The following ASRGL1 variants were observed in gnomAD, a reference collection of about 807,000 sequenced individuals.
The protein encoded by ASRGL1 is isoaspartyl peptidase/L-asparaginase.
ASRGL1 carries 16 observed loss-of-function variants against 22.4 expected under a neutral mutation model. The observed-to-expected ratio is 0.71, with a 90% CI of 0.48 to 1.08. The LOEUF is 1.08. ASRGL1 is among the 50% of genes least tolerant of loss of function. The probability of loss-of-function intolerance (pLI) is 0.00; values close to 1 mark genes in which losing one functional copy is unlikely to be tolerated. For synonymous variants in ASRGL1, 165 were observed against 159.3 expected (o/e 1.04, Z -0.27); for missense variants, 412 against 410.1 (o/e 1.00, Z -0.04).
intron 5 of ASRGL1, among the ~76,000 whole-genome samples, chr11:62,391,047 A>T (rs1947324511): frequency 1.3e-5 from 2 of 152,176 alleles, no homozygotes; most frequent in Admixed American, 6.5e-5. Flanking sequence ...AATTATGCCC[A>T]CCCTCAACAA....
intron 2 of ASRGL1, among the ~76,000 whole-genome samples, chr11:62,344,561 A>G (rs2134574936): frequency 6.7e-6 from 1 of 149,974 alleles, no homozygotes; most frequent in South Asian, 2.1e-4. Flanking sequence ...AAATTTTTGT[A>G]TACGATGCAA....
intron 2 of ASRGL1, among the ~76,000 whole-genome samples, chr11:62,338,940 A>AAAAAAG (rs1945798826): frequency 6.6e-6 from 1 of 151,570 alleles, no homozygotes; most frequent in African/African-American, 2.4e-5. Context: ...CTCAAAAAAA[A>AAAAAAG]AAAAAAAAAC....
intron 2 of ASRGL1, among the ~76,000 whole-genome samples, chr11:62,347,382 G>GTTC (rs1946052830): frequency 2.6e-5 from 4 of 152,150 alleles, no homozygotes; most frequent in Non-Finnish European, 4.4e-5. Flanking sequence ...CTCGGAGATA[G>GTTC]AGGGGTGAGA....
At chr11:62,362,715 T>C (rs1946502400) in intron 4 of ASRGL1, among the ~76,000 whole-genome samples, 1 of 49,616 alleles carries the variant, frequency 2.0e-5, no homozygotes, top group African/African-American at 9.2e-5. Context: ...TAAAATATAT[T>C]ATATGTTATA....
At chr11:62,382,777 C>G (rs950536498) in intron 4 of ASRGL1, 1 of 152,316 alleles carries the variant, frequency 6.6e-6, no homozygotes, top group African/African-American at 2.4e-5. Flanking sequence ...CCTGGCTTTC[C>G]TAGGCAGAGG....
chr11:62,371,298 GGACGGCCTGGAGCTC>G lies in ASRGL1; in HGVS notation c.491+14160_491+14174del, dbSNP rs1404571202. 8 of 1,382,032 alleles carry G rather than the reference GGACGGCCTGGAGCTC, an allele frequency of 5.8e-6. No homozygotes were observed. The African/African-American group carries it at 9.1e-5, about 16-fold the overall frequency. The allele number at this position is 1,382,032 out of a possible 1,614,324, so 85.6% of individuals were successfully genotyped here. A position where few individuals can be genotyped will look rare whatever the true frequency, so the allele number is the denominator to read the frequency against. On this transcript the variant is annotated intron_variant, in intron 4 of 6. Coordinates refer to ENST00000415229, the MANE Select transcript of ASRGL1 (RefSeq NM_001083926.2). ...GTGGCAGCAGCAGCAGCGGCGACGA[GGACGGCCTGGAGCTC>G]GACGGGGCCCCCGGCAGGGGCAAGC...
intron 4 of ASRGL1, among the ~76,000 whole-genome samples, chr11:62,384,007 T>A (rs1374935923): frequency 7.1e-6 from 1 of 140,746 alleles, no homozygotes; most frequent in Non-Finnish European, 1.6e-5. Context: ...CATCTGTGTG[T>A]GTGCATGTGT....
intron 4 of ASRGL1, among the ~76,000 whole-genome samples, chr11:62,385,234 G>A (rs1305960538): frequency 6.6e-6 from 1 of 152,164 alleles, no homozygotes; most frequent in Non-Finnish European, 1.5e-5. Context: ...TTGTTTATGG[G>A]TTTTTCCTTT....
At chr11:62,391,115 C>T (rs1947325815) in intron 5 of ASRGL1, among the ~76,000 whole-genome samples, 1 of 152,216 alleles carries the variant, frequency 6.6e-6, no homozygotes, top group Non-Finnish European at 1.5e-5. Flanking sequence ...GTATCATTTT[C>T]CCCAAATCAC....
intron 4 of ASRGL1, among the ~76,000 whole-genome samples, chr11:62,366,259 CAAA>C (rs1239284598): frequency 1.2e-5 from 1 of 86,786 alleles, no homozygotes. Context: ...AAGACTGTCT[CAAA>C]AAAAAAAAAA....
At chr11:62,372,357 A>G in intron 4 of ASRGL1, 1 of 1,567,934 alleles carries the variant, frequency 6.4e-7, no homozygotes, top group African/African-American at 1.4e-5. Context: ...TGTGCAGATA[A>G]TGTACAACAG....
intron 2 of ASRGL1, 41 bp downstream of exon 2, chr11:62,338,208 C>T: frequency 6.1e-6 from 9 of 1,475,026 alleles, no homozygotes; most frequent in Non-Finnish European, 8.1e-6. Flanking sequence ...TGAGTCAGGT[C>T]AAGCTCCTTC....
chr11:62,341,196 A>ATTTT (rs577020969), intron 2 of ASRGL1, among the ~76,000 whole-genome samples: 4 of 135,360 alleles, frequency 3.0e-5, no homozygotes, highest in East Asian at 2.1e-4. Flanking sequence ...AGATAACAGG[A>ATTTT]TTTTTTTTTT....
intron 5 of ASRGL1, among the ~76,000 whole-genome samples, chr11:62,390,641 C>T (rs1159634552): frequency 6.6e-6 from 1 of 152,180 alleles, no homozygotes; most frequent in Non-Finnish European, 1.5e-5. Flanking sequence ...AAAGTAAAGG[C>T]GCCTCCTCCC....
chr11:62,372,194 C>T lies in ASRGL1; in HGVS notation c.491+15050C>T, dbSNP rs1946790030. On this transcript the variant is annotated intron_variant, in intron 4 of 6. Coordinates refer to ENST00000415229, the MANE Select transcript of ASRGL1 (RefSeq NM_001083926.2). ...CACCAAGAGAGTAGAAGCCCCCAGA[C>T]TCACCGAGGGTCTCAGCCACGAAGT... 3 of 1,083,358 alleles carry T rather than the reference C, an allele frequency of 2.8e-6. No homozygotes were observed. The Admixed American group carries it at 5.1e-5, about 18-fold the overall frequency. 67.1% of individuals were successfully genotyped at this position (1,083,358 alleles called of 1,614,324 possible).
chr11:62,392,092 A>G lies in ASRGL1; in HGVS notation c.735A>G (p.Glu245=). 1 of 1,614,202 alleles carries G rather than the reference A, an allele frequency of 6.2e-7. No individual in the cohort carries two copies. The highest frequency in any genetic ancestry group is 8.5e-7 in the Non-Finnish European group (1 of 1,180,022). Residue 245 remains glutamate (E), a synonymous_variant, in exon 7 of 7, where the codon GAA becomes GAG. Coordinates refer to ENST00000415229, the MANE Select transcript of ASRGL1 (RefSeq NM_001083926.2). ...CCTTGTTTTCAGGAAAGACGGTAGAAGAGGCTGCGGACCTATCGTTGGGTT... is the reference window on the plus strand; with the variant it reads ...CCTTGTTTTCAGGAAAGACGGTAGAGGAGGCTGCGGACCTATCGTTGGGTT... ...LFHIEQGKTV[E]EAADLSLGYM...
intron 4 of ASRGL1, among the ~76,000 whole-genome samples, chr11:62,386,463 A>C (rs1947209360): frequency 6.7e-6 from 1 of 149,444 alleles, no homozygotes; most frequent in Non-Finnish European, 1.5e-5. Flanking sequence ...TACATATCAT[A>C]CATATCATAG....
At chr11:62,391,999 G>A in intron 6 of ASRGL1, 80 bp from the exon 7 acceptor site, 2 of 1,505,504 alleles carry the variant, frequency 1.3e-6, no homozygotes, top group Admixed American at 1.7e-5. Flanking sequence ...GCTCACTTTG[G>A]CATTTCAAAT....
In ASRGL1 at chr11:62,391,589, G is replaced by C. The variant is rs1947339703; in HGVS notation, c.678G>C (p.Leu226=). The change falls in exon 6 of 7, where the codon CTG becomes CTC. Residue 226 remains leucine (L), a synonymous_variant. Coordinates refer to ENST00000415229, the MANE Select transcript of ASRGL1 (RefSeq NM_001083926.2). ...CCACAGGGCATGGGGAAAGCATCCT[G>C]AAGGTGAACCTGGCTAGACTCACCC... ...VSTTGHGESI[L]KVNLARLTLF... is the part of the protein sequence containing the mutation. The C allele has an allele frequency of 6.2e-7, 1 of 1,612,552 alleles. No individual in the cohort carries two copies.
Sources: allele counts gnomAD v4.1 joint callset (sites outside exome capture counted in the v4.1 genomes callset), GRCh38; gene constraint gnomAD v4.1.1; transcripts MANE v1.5; gene names NCBI Gene and HGNC (gene_info 2026-07-23, HGNC 2026-07-21).